The following PIK3R3 variants were observed in gnomAD, a reference collection of about 807,000 sequenced individuals.
PIK3R3 encodes phosphoinositide-3-kinase regulatory subunit 3.
Under a neutral mutation model 62.9 loss-of-function variants are expected in PIK3R3, and 64 were observed. That is an observed-to-expected ratio of 1.02 (90% CI 0.83 to 1.25). The LOEUF is 1.25. PIK3R3 is among the 50% of genes most tolerant of loss of function. The probability of loss-of-function intolerance (pLI) is 0.00; values close to 1 mark genes in which losing one functional copy is unlikely to be tolerated. For synonymous variants in PIK3R3, 165 were observed against 189.0 expected, an observed-to-expected ratio of 0.87 and a Z score of 1.04; for missense variants, 614 against 561.6, an observed-to-expected ratio of 1.09 and a Z score of -0.94.
intron 7 of PIK3R3, chr1:46,048,169 T>C (rs1042969382): frequency 1.8e-4 from 27 of 152,230 alleles, no homozygotes; most frequent in Admixed American, 6.5e-5. Context: ...CATGGCTATG[T>C]TGCCAATTAT....
intron 1 of PIK3R3, among the ~76,000 whole-genome samples, chr1:46,125,697 T>C (rs1015310972): frequency 9.9e-5 from 15 of 152,122 alleles, no homozygotes; most frequent in Admixed American, 2.0e-4. Context: ...CTTTACTAGG[T>C]TGTCCACCAA....
At chr1:46,141,394 C>T in the PIK3R3 span, among the ~76,000 whole-genome samples, 1 of 152,102 alleles carries the variant, frequency 6.6e-6, no homozygotes, top group Admixed American at 6.5e-5. Context: ...CCTCAGCCTC[C>T]CGAGTAGCTG....
intron 1 of PIK3R3, among the ~76,000 whole-genome samples, chr1:46,093,611 C>G (rs1024724205): frequency 2.0e-5 from 3 of 151,926 alleles, no homozygotes; most frequent in African/African-American, 7.3e-5. Context: ...TGTTGTCAGC[C>G]AAGTGTGGTG....
In PIK3R3 at chr1:46,101,980, C is replaced by CTTTTTTTTT. The variant is rs538688681; in HGVS notation, c.107-21239_107-21231dup. Among the ~76,000 whole-genome samples the CTTTTTTTTT allele has an allele frequency of 1.2e-4, 11 of 89,942 alleles. 1 individual carries two copies. Among genetic ancestry groups the CTTTTTTTTT allele is most frequent in the East Asian group, 3.5e-4 (1 of 2,840 alleles). 59.0% of individuals were successfully genotyped at this position (89,942 alleles called of 152,430 possible). A position where few individuals can be genotyped will look rare whatever the true frequency, so the allele number is the denominator to read the frequency against. ...ATGTATCAAAACATTGAATTGTATA[C>CTTTTTTTTT]TTTTTTTTTTTTTTTTTTTTTTTTG... On this transcript the variant is annotated intron_variant, in intron 1 of 9. Transcript: ENST00000262741.
chr1:46,088,791 G>T (rs940876516), intron 1 of PIK3R3, among the ~76,000 whole-genome samples: 2 of 150,074 alleles, frequency 1.3e-5, no homozygotes, highest in South Asian at 2.1e-4. Flanking sequence ...GCCACACAAT[G>T]AATGAAAAAG....
chr1:46,101,716 C>T (rs1250448321), intron 1 of PIK3R3, among the ~76,000 whole-genome samples: 1 of 152,122 alleles, frequency 6.6e-6, no homozygotes, highest in East Asian at 1.9e-4. Context: ...ATTCAATTTA[C>T]ATGAAATATC....
chr1:46,076,827 A>T (rs1336539891), intron 3 of PIK3R3, among the ~76,000 whole-genome samples: 1 of 152,184 alleles, frequency 6.6e-6, no homozygotes, highest in Non-Finnish European at 1.5e-5. Flanking sequence ...GTGAAGAATA[A>T]ATGATCTATT....
At chr1:46,132,947 G>C, upstream of PIK3R3, 3 of 1,149,594 alleles carry the variant, frequency 2.6e-6, no homozygotes, top group Non-Finnish European at 3.3e-6. Context: ...CGCACTCCAG[G>C]AGTCAGTGCC....
At chr1:46,091,376 G>C (rs1447081454) in intron 1 of PIK3R3, among the ~76,000 whole-genome samples, 1 of 151,806 alleles carries the variant, frequency 6.6e-6, no homozygotes, top group Non-Finnish European at 1.5e-5. Context: ...CCTGACCTGA[G>C]GTGATCCACC....
At chr1:46,133,481 C>T (rs916812536), upstream of PIK3R3, among the ~76,000 whole-genome samples, 2 of 152,218 alleles carry the variant, frequency 1.3e-5, no homozygotes, top group Non-Finnish European at 2.9e-5. Context: ...TAGGAGGTCT[C>T]TGGGGAGACT....
intron 7 of PIK3R3, among the ~76,000 whole-genome samples, chr1:46,049,039 G>A (rs1009298179): frequency 6.6e-6 from 1 of 151,990 alleles, no homozygotes; most frequent in African/African-American, 2.4e-5. Context: ...CTAACATCCA[G>A]CTCTGATTCT....
At chr1:46,135,629 T>C (rs559433826), upstream of PIK3R3, among the ~76,000 whole-genome samples, 12 of 152,316 alleles carry the variant, frequency 7.9e-5, 1 homozygote, top group South Asian at 2.3e-3. Flanking sequence ...GCTCTGAATA[T>C]AGGGTATGAT....
At chr1:46,149,102 G>A in the PIK3R3 span, among the ~76,000 whole-genome samples, 5 of 152,264 alleles carry the variant, frequency 3.3e-5, no homozygotes, top group African/African-American at 4.8e-5. Context: ...CTCATTTTAT[G>A]CTAATTATAA....
chr1:46,148,791 T>C, the PIK3R3 span, among the ~76,000 whole-genome samples: 1 of 147,160 alleles, frequency 6.8e-6, no homozygotes, highest in Admixed American at 6.8e-5. Context: ...GAAGAGAGAA[T>C]GAATATATAA....
At chr1:46,125,761 CTT>C (rs947834071) in intron 1 of PIK3R3, among the ~76,000 whole-genome samples, 3 of 143,958 alleles carry the variant, frequency 2.1e-5, no homozygotes, top group South Asian at 2.2e-4. Context: ...TCTAGAGTTT[CTT>C]TTTTTTTTTT....
chr1:46,174,493 C>T, the PIK3R3 span, among the ~76,000 whole-genome samples: 3 of 152,146 alleles, frequency 2.0e-5, no homozygotes, highest in Non-Finnish European at 4.4e-5. Context: ...TTCCTGAACC[C>T]CAGGGGGCCA....
chr1:46,146,686 T>TACAC, the PIK3R3 span, among the ~76,000 whole-genome samples: 754 of 92,744 alleles, frequency 8.1e-3, 19 homozygotes, highest in East Asian at 9.4e-3. Flanking sequence ...CCTCCAACTC[T>TACAC]ACACACACAC....
the PIK3R3 span, among the ~76,000 whole-genome samples, chr1:46,161,083 A>T: frequency 6.6e-6 from 1 of 152,170 alleles, no homozygotes; most frequent in Middle Eastern, 3.4e-3. Flanking sequence ...CCAAAAAGTA[A>T]TGATTCACTT....
chr1:46,045,894 G>T, intron 9 of PIK3R3, 24 bp downstream of exon 9: 1 of 1,591,332 alleles, frequency 6.3e-7, no homozygotes, highest in Non-Finnish European at 8.6e-7. Context: ...ATTTCAAAAG[G>T]TTATATCCCC....
Sources: gnomAD v4.1 joint callset for allele counts (sites outside exome capture counted in the v4.1 genomes callset) on GRCh38, gnomAD v4.1.1 for gene constraint, MANE v1.5 for transcripts, NCBI Gene and HGNC (gene_info 2026-07-23, HGNC 2026-07-21) for gene names.